Variants in KLHL32 observed in about 807,000 individuals in gnomAD.
KLHL32 encodes kelch like family member 32.
KLHL32 carries 35 observed loss-of-function variants against 64.8 expected under a neutral mutation model. The observed-to-expected ratio is 0.54, with a 90% confidence interval of 0.41 to 0.72. The LOEUF is 0.72. Ranked by LOEUF, KLHL32 falls within the 30% of genes least tolerant of loss-of-function variation. The pLI, the probability that KLHL32 is intolerant of heterozygous loss-of-function variation, is 0.00. For missense variants in KLHL32, 589 were observed against 768.5 expected, an observed-to-expected ratio of 0.77 and a Z score of 2.76; for synonymous variants, 259 against 281.0, an observed-to-expected ratio of 0.92 and a Z score of 0.78.
At chr6:97,127,286 G>A in intron 7 of KLHL32, 118 bp from the exon 8 acceptor site, 1 of 780,810 alleles carries the variant, frequency 1.3e-6, no homozygotes, top group African/African-American at 1.7e-5. Flanking sequence ...CTCACCATGA[G>A]GGTATACAAA....
intron 4 of KLHL32, among the ~76,000 whole-genome samples, chr6:97,051,477 T>G (rs998178325): frequency 6.6e-6 from 1 of 152,252 alleles, no homozygotes; most frequent in African/African-American, 2.4e-5. Context: ...TCAACCCTCC[T>G]AGTTAACTCA....
At chr6:96,954,363 T>G (rs1030311174) in intron 1 of KLHL32, among the ~76,000 whole-genome samples, 3 of 109,158 alleles carry the variant, frequency 2.7e-5, no homozygotes, top group African/African-American at 1.1e-4. Flanking sequence ...CTTTTCAAAA[T>G]TTTGGTGATG....
chr6:96,925,650 A>C (rs1582348421), intron 1 of KLHL32, among the ~76,000 whole-genome samples: 1 of 152,206 alleles, frequency 6.6e-6, no homozygotes, highest in Admixed American at 6.5e-5. Context: ...CAGATGATTT[A>C]ATTGTGTTTC....
intron 1 of KLHL32, among the ~76,000 whole-genome samples, chr6:96,937,507 G>T (rs944608149): frequency 2.0e-5 from 3 of 152,122 alleles, no homozygotes; most frequent in African/African-American, 7.2e-5. Flanking sequence ...TGTGTCTGTC[G>T]GGCAACAATC....
chr6:96,927,074 A>T (rs1769255115), intron 1 of KLHL32, among the ~76,000 whole-genome samples: 1 of 152,314 alleles, frequency 6.6e-6, no homozygotes, highest in African/African-American at 2.4e-5. Flanking sequence ...AGGTTCAAAA[A>T]TTTTTTGAGG....
chr6:97,121,787 AGAATATGT>A (rs1387315548), intron 7 of KLHL32, among the ~76,000 whole-genome samples: 2 of 152,212 alleles, frequency 1.3e-5, no homozygotes, highest in African/African-American at 4.8e-5. Context: ...GTTCTACTAA[AGAATATGT>A]GAACAATATC....
At chr6:96,913,872 G>A in the KLHL32 span, among the ~76,000 whole-genome samples, 1 of 152,166 alleles carries the variant, frequency 6.6e-6, no homozygotes, top group South Asian at 2.1e-4. Context: ...AATTCTTAAA[G>A]TCTATGGATA....
chr6:96,938,470 C>A (rs891914443), intron 1 of KLHL32, among the ~76,000 whole-genome samples: 1 of 152,152 alleles, frequency 6.6e-6, no homozygotes, highest in African/African-American at 2.4e-5. Context: ...GCAGATACCT[C>A]ATCAGCATTC....
At chr6:96,926,413 T>C (rs1380483902) in intron 1 of KLHL32, among the ~76,000 whole-genome samples, 2 of 152,234 alleles carry the variant, frequency 1.3e-5, no homozygotes, top group African/African-American at 2.4e-5. Context: ...CATTTTACAT[T>C]ACAGTGTAGA....
intron 4 of KLHL32, among the ~76,000 whole-genome samples, chr6:97,055,795 CTAAAAAAAA>C (rs1159143053): frequency 0.011 from 359 of 31,278 alleles, 9 homozygotes; most frequent in African/African-American, 0.091. Flanking sequence ...GAGAACCTGT[CTAAAAAAAA>C]AAAAAAAAAA....
intron 1 of KLHL32, among the ~76,000 whole-genome samples, chr6:96,964,177 G>C (rs892714117): frequency 2.7e-5 from 4 of 150,472 alleles, no homozygotes; most frequent in African/African-American, 9.8e-5. Flanking sequence ...TTCTGAGGAG[G>C]GGAACTGCAG....
At chr6:96,939,513 G>A (rs1771018698) in intron 1 of KLHL32, among the ~76,000 whole-genome samples, 1 of 152,188 alleles carries the variant, frequency 6.6e-6, no homozygotes, top group African/African-American at 2.4e-5. Context: ...GCTTTGACCT[G>A]CTCTGGAGGT....
chr6:96,988,845 G>A (rs142125373), intron 3 of KLHL32, among the ~76,000 whole-genome samples: 1,679 of 152,094 alleles, frequency 0.011, 41 homozygotes, highest in African/African-American at 0.039. Flanking sequence ...TCAGCAAACT[G>A]TTGCAAGGAC....
At chr6:96,952,136 A>T (rs73492898) in intron 1 of KLHL32, among the ~76,000 whole-genome samples, 4,975 of 152,266 alleles carry the variant, frequency 0.033, 288 homozygotes, top group African/African-American at 0.11. Flanking sequence ...CATCCTGTCC[A>T]GGATGGGTTC....
chr6:97,041,920 G>A (rs374605331), intron 4 of KLHL32, among the ~76,000 whole-genome samples: 3 of 151,894 alleles, frequency 2.0e-5, no homozygotes, highest in East Asian at 1.9e-4. Flanking sequence ...ACTGAAGCTC[G>A]GTGACTCAAT....
chr6:96,964,890 T>C (rs887222434), intron 1 of KLHL32, among the ~76,000 whole-genome samples: 1 of 152,232 alleles, frequency 6.6e-6, no homozygotes, highest in Non-Finnish European at 1.5e-5. Context: ...ATTTAGCATG[T>C]ACATGTGTAA....
At chr6:97,094,478 T>A (rs1439149213) in intron 6 of KLHL32, among the ~76,000 whole-genome samples, 1 of 152,208 alleles carries the variant, frequency 6.6e-6, no homozygotes, top group Admixed American at 6.5e-5. Flanking sequence ...TCTGAGATCA[T>A]AATCAGGAGA....
chr6:96,943,632 C>T (rs920521922), intron 1 of KLHL32, among the ~76,000 whole-genome samples: 7 of 152,232 alleles, frequency 4.6e-5, no homozygotes, highest in South Asian at 2.1e-4. Flanking sequence ...CCCAGGTCTC[C>T]GAGGTCTTGT....
chr6:97,091,755 C>G (rs1794273265), intron 6 of KLHL32, among the ~76,000 whole-genome samples: 1 of 152,162 alleles, frequency 6.6e-6, no homozygotes, highest in Admixed American at 6.6e-5. Flanking sequence ...TGTATGCACC[C>G]TCTAAACAGC....
Sources: allele counts gnomAD v4.1 joint callset (sites outside exome capture counted in the v4.1 genomes callset), GRCh38; gene constraint gnomAD v4.1.1; transcripts MANE v1.5; gene names NCBI Gene and HGNC (gene_info 2026-07-23, HGNC 2026-07-21).